Variants in CLMP observed in about 807,000 individuals in gnomAD.
The protein encoded by CLMP is CXADR like cell adhesion molecule.
CLMP carries 27 observed loss-of-function variants against 45.2 expected under a neutral mutation model. That is an observed-to-expected ratio of 0.60 (90% confidence interval 0.44 to 0.82). CLMP has a LOEUF of 0.82. Among genes scored for constraint, CLMP ranks in the 40% least tolerant of loss-of-function variants. The pLI is 0.00. For missense variants in CLMP, 403 were observed against 448.4 expected, an observed-to-expected ratio of 0.90 and a Z score of 0.91; for synonymous variants, 167 against 171.4, an observed-to-expected ratio of 0.97 and a Z score of 0.20.
At chr11:123,189,934 AG>A (rs1405952360) in intron 1 of CLMP, among the ~76,000 whole-genome samples, 14 of 149,074 alleles carry the variant, frequency 9.4e-5, no homozygotes, top group Non-Finnish European at 2.1e-4. Context: ...CTCGGAAGGC[AG>A]GGGTTGCAGT....
Position 123,073,699 on chromosome 11 carries a change from A to G in CLMP, c.897T>C (p.Ser299=). Residue 299 remains serine (S), a synonymous_variant, in exon 7 of 7, where the codon TCT becomes TCC. Transcript: ENST00000448775. ...SSSSGSRSSR[S]GSSSTRSTAN... ...CTGTGGAGCGAGTGGAGGAAGAACC[A>G]GAGCGTGAGCTCCGAGAGCCTGAGG... 6.2e-7 allele frequency: 1 copy of G among 1,614,194 alleles called. No homozygotes were observed. The highest frequency in any genetic ancestry group is 8.5e-7 in the Non-Finnish European group (1 of 1,180,020).
intron 2 of CLMP, among the ~76,000 whole-genome samples, chr11:123,089,788 A>AAAAAAG (rs1160890955): frequency 2.9e-5 from 4 of 139,052 alleles, no homozygotes; most frequent in Non-Finnish European, 6.1e-5. Flanking sequence ...AAAAAAAAAA[A>AAAAAAG]AAAAAGAAAA....
chr11:123,098,373 G>A (rs182438932), intron 1 of CLMP, among the ~76,000 whole-genome samples: 10 of 151,910 alleles, frequency 6.6e-5, no homozygotes, highest in Admixed American at 2.6e-4. Context: ...AACTACAGGC[G>A]CATGCCACCA....
chr11:123,162,214 T>C (rs528783565), intron 1 of CLMP, among the ~76,000 whole-genome samples: 7 of 152,196 alleles, frequency 4.6e-5, no homozygotes, highest in Admixed American at 3.9e-4. Flanking sequence ...CTCAGAGGAA[T>C]AGATGAGCAG....
At chr11:123,076,349 C>T (rs1046133852) in intron 5 of CLMP, among the ~76,000 whole-genome samples, 1 of 152,178 alleles carries the variant, frequency 6.6e-6, no homozygotes, top group Non-Finnish European at 1.5e-5. Flanking sequence ...CTGAGCCAGG[C>T]AGTTATAGGC....
At chr11:123,150,546 AGGAAGGAAGGAAGG>A in intron 1 of CLMP, among the ~76,000 whole-genome samples, 1 of 142,874 alleles carries the variant, frequency 7.0e-6, no homozygotes, top group Non-Finnish European at 1.5e-5. Flanking sequence ...CAAGCAAGGA[AGGAAGGAAGGAAGG>A]AAAGGAAGGA....
At chr11:123,151,276 A>G (rs942069524) in intron 1 of CLMP, among the ~76,000 whole-genome samples, 13 of 152,212 alleles carry the variant, frequency 8.5e-5, no homozygotes, top group Non-Finnish European at 1.9e-4. Context: ...GCAGTTCTCT[A>G]TGATAAAGTC....
chr11:123,174,161 T>C (rs1489879349), intron 1 of CLMP, among the ~76,000 whole-genome samples: 1 of 152,214 alleles, frequency 6.6e-6, no homozygotes, highest in Admixed American at 6.5e-5. Flanking sequence ...AACCTTAACC[T>C]TTCCACCTTA....
intron 1 of CLMP, among the ~76,000 whole-genome samples, chr11:123,172,836 T>C (rs1485517435): frequency 1.3e-5 from 2 of 152,264 alleles, no homozygotes; most frequent in East Asian, 1.9e-4. Flanking sequence ...CATAGATTTC[T>C]AACAATGGAA....
At chr11:123,178,719 C>A (rs986012848) in intron 1 of CLMP, among the ~76,000 whole-genome samples, 1 of 152,154 alleles carries the variant, frequency 6.6e-6, no homozygotes, top group African/African-American at 2.4e-5. Context: ...TGAAAGGACT[C>A]TCTCTATTTA....
intron 1 of CLMP, among the ~76,000 whole-genome samples, chr11:123,137,147 C>CT (rs375816483): frequency 0.12 from 10,139 of 82,908 alleles, 990 homozygotes; most frequent in Non-Finnish European, 0.15. Context: ...TTTTCTTTTT[C>CT]TTTTTTTTTT....
intron 1 of CLMP, among the ~76,000 whole-genome samples, chr11:123,100,592 C>T (rs1866044809): frequency 6.6e-6 from 1 of 151,790 alleles, no homozygotes; most frequent in Non-Finnish European, 1.5e-5. Context: ...GCGGCGCCTC[C>T]CTTTCCACTG....
intron 1 of CLMP, among the ~76,000 whole-genome samples, chr11:123,140,620 CTT>C (rs1417697419): frequency 6.6e-6 from 1 of 152,124 alleles, no homozygotes. Context: ...GCTTTCCTCT[CTT>C]TCTCTCTGCC....
chr11:123,121,946 G>A (rs1178828511), intron 1 of CLMP, among the ~76,000 whole-genome samples: 19 of 152,038 alleles, frequency 1.2e-4, no homozygotes, highest in Admixed American at 1.2e-3. Context: ...GTTTTGCCAT[G>A]TTGCCAGGCT....
intron 5 of CLMP, among the ~76,000 whole-genome samples, chr11:123,078,038 G>A (rs1327392901): frequency 1.3e-5 from 2 of 151,972 alleles, no homozygotes; most frequent in African/African-American, 4.8e-5. Flanking sequence ...CCTGGGAGGC[G>A]GAGGTTGCAG....
intron 1 of CLMP, among the ~76,000 whole-genome samples, chr11:123,174,074 C>A (rs543971233): frequency 1.2e-4 from 18 of 151,768 alleles, no homozygotes; most frequent in African/African-American, 4.1e-4. Flanking sequence ...CAGGTGGGAC[C>A]CTGTTTCAAA....
At chr11:123,082,170 A>T (rs1442163314) in intron 5 of CLMP, among the ~76,000 whole-genome samples, 1 of 152,252 alleles carries the variant, frequency 6.6e-6, no homozygotes, top group African/African-American at 2.4e-5. Context: ...CTAGAATGGT[A>T]GTGGCATATA....
chr11:123,173,856 T>C (rs150475645), intron 1 of CLMP, among the ~76,000 whole-genome samples: 247 of 152,158 alleles, frequency 1.6e-3, no homozygotes, highest in Middle Eastern at 6.8e-3. Flanking sequence ...TCAAAGTGGG[T>C]GGATCGCTTG....
chr11:123,081,645 T>G (rs992205394), intron 5 of CLMP, among the ~76,000 whole-genome samples: 1 of 151,652 alleles, frequency 6.6e-6, no homozygotes, highest in Non-Finnish European at 1.5e-5. Flanking sequence ...TGAAGAAGGG[T>G]GGATCGCCTA....
Sources: gnomAD v4.1 joint callset for allele counts (sites outside exome capture counted in the v4.1 genomes callset) on GRCh38, gnomAD v4.1.1 for gene constraint, MANE v1.5 for transcripts, NCBI Gene and HGNC (gene_info 2026-07-23, HGNC 2026-07-21) for gene names.